PRH1: variants seen among roughly 807,000 people sequenced by gnomAD.
PRH1 encodes the protein salivary acidic proline-rich phosphoprotein 1/2.
A neutral mutation model predicts 7.9 loss-of-function variants in PRH1; 7 were observed. That is an observed-to-expected ratio of 0.89 (90% CI 0.50 to 1.67). PRH1 has a LOEUF of 1.67. Ranked by LOEUF, PRH1 falls within the 40% of genes most tolerant of loss-of-function variation. The pLI is 0.00. For synonymous variants in PRH1, 45 were observed against 80.8 expected, an observed-to-expected ratio of 0.56 and a Z score of 2.38; for missense variants, 109 against 223.6, an observed-to-expected ratio of 0.49 and a Z score of 3.27.
chr12:11,108,749 G>C (rs559035034), intron 1 of PRH1, among the ~76,000 whole-genome samples: 2 of 152,248 alleles, frequency 1.3e-5, no homozygotes, highest in Non-Finnish European at 1.5e-5. Context: ...GATCATTTGG[G>C]CAGACACCAA....
chr12:10,897,846 T>C (rs1367383464), intron 2 of PRH1, among the ~76,000 whole-genome samples: 3 of 152,018 alleles, frequency 2.0e-5, no homozygotes, highest in East Asian at 3.9e-4. Context: ...CCTCCAACAT[T>C]AGGGGTTACA....
rs572320832 is a variant in PRH1 at position 10,908,045 on chromosome 12, A to G, written c.-58-23770T>C. 7 of 221,054 alleles carry G rather than the reference A, an allele frequency of 3.2e-5. No individual in the cohort carries two copies. In the East Asian group the frequency reaches 6.2e-4, roughly 20 times the overall value. 13.7% of individuals were successfully genotyped at this position (221,054 alleles called of 1,614,324 possible). A position where few individuals can be genotyped will look rare whatever the true frequency, so the allele number is the denominator to read the frequency against. On this transcript the variant is annotated intron_variant, in intron 2 of 3. Coordinates refer to the PRH1 transcript ENST00000539853. ...TTACCTAAATCACCCATCTCAATGAATGATTTAGAATTGAAGAGCCATTGC... is the reference window on the plus strand; with the variant it reads ...TTACCTAAATCACCCATCTCAATGAGTGATTTAGAATTGAAGAGCCATTGC...
chr12:11,102,553 A>G (rs945250671), intron 1 of PRH1, among the ~76,000 whole-genome samples: 2 of 152,254 alleles, frequency 1.3e-5, no homozygotes, highest in African/African-American at 4.8e-5. Context: ...AGGATGGATT[A>G]AAGACTTAAA....
chr12:10,909,331 A>T, intron 2 of PRH1: 1 of 1,468,770 alleles, frequency 6.8e-7, no homozygotes, highest in East Asian at 2.3e-5. Flanking sequence ...GTCTAATGTC[A>T]CTGCTGGTTA....
intron 2 of PRH1, among the ~76,000 whole-genome samples, chr12:10,901,898 G>A (rs1264109169): frequency 3.3e-5 from 5 of 152,036 alleles, no homozygotes; most frequent in African/African-American, 1.2e-4. Flanking sequence ...AATTAGAAGT[G>A]CCAGTATTGC....
chr12:10,966,576 G>T (rs923115877), intron 2 of PRH1, among the ~76,000 whole-genome samples: 2 of 152,088 alleles, frequency 1.3e-5, no homozygotes, highest in African/African-American at 4.8e-5. Flanking sequence ...TGCAGAACTT[G>T]GCCCATCTCA....
intron 1 of PRH1, among the ~76,000 whole-genome samples, chr12:11,128,652 G>C (rs762434375): frequency 7.9e-5 from 12 of 152,070 alleles, no homozygotes; most frequent in Non-Finnish European, 1.2e-4. Flanking sequence ...GACTGCAGCA[G>C]GAGAATCATT....
intron 1 of PRH1, among the ~76,000 whole-genome samples, chr12:11,136,715 T>C (rs1369425441): frequency 1.3e-5 from 2 of 152,304 alleles, no homozygotes; most frequent in Non-Finnish European, 2.9e-5. Context: ...TTCTTGCATA[T>C]TCAACTTAAT....
At chr12:11,092,116 T>C in intron 1 of PRH1, 1 of 1,487,948 alleles carries the variant, frequency 6.7e-7, no homozygotes, top group South Asian at 1.1e-5. Flanking sequence ...AGATCTTTTG[T>C]CTCTTGAACC....
At chr12:11,159,375 T>C (rs1403908189) in intron 1 of PRH1, 2 of 150,674 alleles carry the variant, frequency 1.3e-5, no homozygotes, top group African/African-American at 4.9e-5. Flanking sequence ...CTTAAGCAAG[T>C]AGAAAATGCT....
At chr12:11,020,264 G>A (rs748196986) in intron 1 of PRH1, among the ~76,000 whole-genome samples, 36 of 152,026 alleles carry the variant, frequency 2.4e-4, no homozygotes, top group Non-Finnish European at 4.4e-4. Flanking sequence ...ACTATTCTTT[G>A]TGCTGGCTTT....
intron 1 of PRH1, among the ~76,000 whole-genome samples, chr12:10,988,047 G>A (rs1939739139): frequency 6.6e-6 from 1 of 152,064 alleles, no homozygotes; most frequent in African/African-American, 2.4e-5. Context: ...ACTGTTTTCA[G>A]AATGAGAATG....
chr12:11,152,491 C>A (rs1310954291), intron 1 of PRH1, among the ~76,000 whole-genome samples: 1 of 151,816 alleles, frequency 6.6e-6, no homozygotes, highest in African/African-American at 2.4e-5. Flanking sequence ...AAGAAAATTT[C>A]TCTTCTCTCA....
chr12:11,073,725 C>T (rs1424832245), intron 1 of PRH1, among the ~76,000 whole-genome samples: 3 of 152,020 alleles, frequency 2.0e-5, no homozygotes, highest in Non-Finnish European at 4.4e-5. Flanking sequence ...GCCCAACCTG[C>T]TCTGCCCATT....
chr12:10,990,894 T>C (rs1001870502), intron 1 of PRH1, among the ~76,000 whole-genome samples: 3 of 152,212 alleles, frequency 2.0e-5, no homozygotes, highest in Non-Finnish European at 4.4e-5. Context: ...GTTTTTGGTC[T>C]AAGCATCTGA....
intron 2 of PRH1, among the ~76,000 whole-genome samples, chr12:10,892,992 G>C (rs1472089337): frequency 1.3e-5 from 2 of 152,162 alleles, no homozygotes; most frequent in Non-Finnish European, 2.9e-5. Flanking sequence ...AGATAAGGAA[G>C]GCAGCTGGTG....
At chr12:10,964,737 G>A (rs1458995437) in intron 2 of PRH1, 1 of 660,130 alleles carries the variant, frequency 1.5e-6, no homozygotes, top group Admixed American at 1.9e-5. Context: ...ATCTTCTTGA[G>A]ATGTTTACAC....
intron 1 of PRH1, among the ~76,000 whole-genome samples, chr12:11,010,001 A>G (rs982067299): frequency 6.6e-6 from 1 of 151,958 alleles, no homozygotes; most frequent in African/African-American, 2.4e-5. Flanking sequence ...TAGGAATAAG[A>G]GCTTGATCAT....
At position 11,162,519 on chromosome 12, in the gene PRH1, T is replaced by C. The variant is rs139397784; in HGVS notation, n.39+8903A>G. Among the ~76,000 whole-genome samples, 9 of 152,314 alleles carry C rather than the reference T, an allele frequency of 5.9e-5. No individual in the cohort carries two copies. In the East Asian group the frequency reaches 1.2e-3, roughly 20 times the overall value. ...CCCTGAACTTTAAGCTGATGTAACA[T>C]AAGACTTTAATGCATCCCCAGGAAA... On this transcript the variant is annotated intron_variant and non_coding_transcript_variant, in intron 1 of 1. Transcript: ENST00000541175.
Sources: gnomAD v4.1 joint callset for allele counts (sites outside exome capture counted in the v4.1 genomes callset) on GRCh38, gnomAD v4.1.1 for gene constraint, MANE v1.5 for transcripts, NCBI Gene and HGNC (gene_info 2026-07-23, HGNC 2026-07-21) for gene names.